The following AHNAK variants were observed in gnomAD, a reference collection of about 807,000 sequenced individuals.
AHNAK encodes neuroblast differentiation-associated protein AHNAK.
A neutral mutation model predicts 37.8 loss-of-function variants in AHNAK; 23 were observed. The ratio of observed to expected loss-of-function variants is 0.61; its 90% CI spans 0.44 to 0.86. The LOEUF is 0.86. Ranked by LOEUF, AHNAK falls within the 40% of genes least tolerant of loss-of-function variation. The pLI, the probability that AHNAK is intolerant of heterozygous loss-of-function variation, is 0.00. For synonymous variants in AHNAK, 2,481 were observed against 2,636.3 expected (o/e 0.94, Z 1.80); for missense variants, 7,411 against 7,319.4 (o/e 1.01, Z -0.46).
intron 4 of AHNAK, among the ~76,000 whole-genome samples, chr11:62,492,380 G>A (rs1939518616): frequency 6.6e-6 from 1 of 152,082 alleles, no homozygotes; most frequent in Admixed American, 6.6e-5. Context: ...ATCAGAGGTC[G>A]CTACCATCTG....
In AHNAK at chr11:62,518,623, T is replaced by C. The variant is rs774036458; in HGVS notation, c.15794A>G (p.Asp5265Gly). The C allele has an allele frequency of 6.2e-7, 1 of 1,614,084 alleles. No individual in the cohort carries two copies. Among genetic ancestry groups the C allele is most frequent in the Non-Finnish European group, 8.5e-7 (1 of 1,180,014 alleles). ...GAGCTTAACATCTGGTCCTCTCAAG[T>C]CTCCTTCAAGAGAGGGTAGCTGGGC... ...VHAQLPSLEG[D>G]LRGPDVKLEG... Residue 5265 changes from aspartate to glycine, a missense_variant, in exon 5 of 5, where the codon GAC becomes GGC. Physicochemically the swap from Asp to Gly is moderately conservative, Grantham distance 94 (BLOSUM62 -1). Coordinates refer to ENST00000378024, the MANE Select transcript of AHNAK (RefSeq NM_001620.3).
chr11:62,525,253 C>T lies in AHNAK; in HGVS notation c.9164G>A (p.Gly3055Glu). The T allele has an allele frequency of 6.2e-7, 1 of 1,612,408 alleles. No individual in the cohort carries two copies. The highest frequency in any genetic ancestry group is 8.5e-7 in the Non-Finnish European group (1 of 1,179,700). The change falls in exon 5 of 5, where the codon GGA (glycine) becomes GAA (glutamate). Residue 3055 changes from glycine (G) to glutamate (E), a missense_variant. By Grantham distance (98) the Gly-to-Glu change is moderately conservative. Transcript: ENST00000378024. ...NLPKADLDVS[G>E]PKVDIDVPDV... ...TGGAACATCAATGTCCACCTTGGGT[C>T]CTGAGACATCAAGGTCAGCCTTGGG... is the stretch of plus-strand genomic sequence containing the variant.
At position 62,520,598 on chromosome 11, in the gene AHNAK, C is replaced by T. The variant is rs12795259; in HGVS notation, c.13819G>A (p.Val4607Met). The change falls in exon 5 of 5, where the codon GTG becomes ATG. Residue 4607 changes from valine to methionine, a missense_variant. Transcript: ENST00000378024. ...AGAGAAATGTCCATGTCGCCCTTCACCTTTGGACCTTTCAGATTCAGGTCA... is the reference window on the plus strand; with the variant it reads ...AGAGAAATGTCCATGTCGCCCTTCATCTTTGGACCTTTCAGATTCAGGTCA... ...EVDLNLKGPK[V>M]KGDMDISLPK... The T allele has an allele frequency of 3.1e-6, 5 of 1,614,046 alleles. No individual in the cohort carries two copies. In the African/African-American group the frequency reaches 6.7e-5, roughly 22 times the overall value.
chr11:62,473,820 A>AC (rs1044268414), intron 5 of AHNAK, among the ~76,000 whole-genome samples: 3 of 151,716 alleles, frequency 2.0e-5, no homozygotes, highest in African/African-American at 4.8e-5. Context: ...ACATGGTGAG[A>AC]CCCCCACCTC....
chr11:62,477,450 C>A (rs1442214396), intron 5 of AHNAK, among the ~76,000 whole-genome samples: 1 of 152,156 alleles, frequency 6.6e-6, no homozygotes, highest in East Asian at 1.9e-4. Context: ...ACCTGTACAA[C>A]AAGCCCCGTG....
At chr11:62,478,872 T>TTTG (rs1565207962) in intron 5 of AHNAK, among the ~76,000 whole-genome samples, 47 of 152,166 alleles carry the variant, frequency 3.1e-4, no homozygotes, top group African/African-American at 1.1e-3. Flanking sequence ...CACTAATTTT[T>TTTG]TTTGTTTGTT....
chr11:62,540,406 A>G (rs1171450036), intron 1 of AHNAK, among the ~76,000 whole-genome samples: 1 of 152,092 alleles, frequency 6.6e-6, no homozygotes, highest in African/African-American at 2.4e-5. Context: ...AAGGATGGAG[A>G]AAGTAAGGTC....
At chr11:62,471,153 A>T (rs1939027645) in intron 5 of AHNAK, among the ~76,000 whole-genome samples, 1 of 152,214 alleles carries the variant, frequency 6.6e-6, no homozygotes, top group Non-Finnish European at 1.5e-5. Context: ...GACTGCAAAC[A>T]CAGTCCAAGC....
chr11:62,487,565 C>T (rs886476014), intron 5 of AHNAK, among the ~76,000 whole-genome samples: 2 of 152,118 alleles, frequency 1.3e-5, no homozygotes, highest in African/African-American at 2.4e-5. Context: ...GGCGCAGTCT[C>T]GGCTCACTGC....
intron 5 of AHNAK, among the ~76,000 whole-genome samples, chr11:62,470,325 A>G (rs1303784044): frequency 6.6e-6 from 1 of 152,178 alleles, no homozygotes; most frequent in Non-Finnish European, 1.5e-5. Flanking sequence ...ATGCGCCTGT[A>G]ATCCCAGCTA....
In AHNAK at chr11:62,525,388, T is replaced by A; in HGVS notation, c.9029A>T (p.Asp3010Val). 1 of 1,613,372 alleles carries A rather than the reference T, an allele frequency of 6.2e-7. No homozygotes were observed. Among genetic ancestry groups the A allele is most frequent in the Non-Finnish European group, 8.5e-7 (1 of 1,179,848 alleles). The change falls in exon 5 of 5, where the codon GAT becomes GTT. Residue 3010 changes from aspartate to valine, a missense_variant. Asp to Val is a radical substitution (Grantham distance 152). Coordinates refer to ENST00000378024, the MANE Select transcript of AHNAK (RefSeq NM_001620.3). Reference sequence around the variant, plus strand: ...CCAGTCTGGGCCTTGAACGCCCACATCCGGGACATCAATGTCCACTTGGGG... The same window carrying A: ...CCAGTCTGGGCCTTGAACGCCCACAACCGGGACATCAATGTCCACTTGGGG... The part of the protein sequence containing the change: ...RGPQVDIDVP[D>V]VGVQGPDWHL...
chr11:62,512,305 G>A (rs533595445), downstream of AHNAK, among the ~76,000 whole-genome samples: 15 of 152,288 alleles, frequency 9.8e-5, no homozygotes, highest in South Asian at 3.1e-3. The surrounding 1 kb of genome is among the most constrained non-coding windows in gnomAD (Gnocchi z 4.0). Context: ...TGCTTCACAC[G>A]GCAGGCAGTT....
At chr11:62,503,961 G>C (rs1052115223) in intron 4 of AHNAK, among the ~76,000 whole-genome samples, 1 of 152,050 alleles carries the variant, frequency 6.6e-6, no homozygotes, top group African/African-American at 2.4e-5. Context: ...AGGAGTTCCA[G>C]ACCAGCCTGG....
At chr11:62,437,359 G>T (rs918333859) in intron 5 of AHNAK, among the ~76,000 whole-genome samples, 3 of 152,056 alleles carry the variant, frequency 2.0e-5, no homozygotes, top group African/African-American at 7.2e-5. Context: ...CCTCAGCTTT[G>T]TTTTGTTTTG....
chr11:62,541,316 G>A (rs1244195314), intron 1 of AHNAK, among the ~76,000 whole-genome samples: 1 of 152,184 alleles, frequency 6.6e-6, no homozygotes, highest in Non-Finnish European at 1.5e-5. Context: ...GGTAGGGAGG[G>A]TACCGGCCAC....
At position 62,528,904 on chromosome 11, in the gene AHNAK, A is replaced by G. The variant is rs760305198; in HGVS notation, c.5513T>C (p.Leu1838Ser). The G allele has an allele frequency of 4.3e-6, 7 of 1,614,070 alleles. No homozygotes were observed. In the Admixed American group the frequency reaches 1.0e-4, roughly 23 times the overall value. ...DVDLECPDAK[L>S]KGPKFKMPEM... is the part of the protein sequence containing the mutation. The stretch of plus-strand genomic sequence containing the variant: ...AGGCATCTTAAACTTGGGCCCTTTC[A>G]ACTTTGCATCAGGACACTCCAGATC... Residue 1838 changes from leucine to serine, a missense_variant, in exon 5 of 5, where the codon TTG becomes TCG. Transcript: ENST00000378024.
In AHNAK at chr11:62,444,362, G is replaced by A. The variant is rs1296548727; in HGVS notation, c.443-10471C>T. 2.0e-5 allele frequency among the ~76,000 whole-genome samples: 3 copies of A among 152,330 alleles called. No homozygotes were observed. The East Asian group carries it at 5.8e-4, about 29-fold the overall frequency. On this transcript the variant is annotated intron_variant, in intron 5 of 5. Coordinates refer to the AHNAK transcript ENST00000257247. ...TCTGCCACAGCTGGGTGGGTGCCCA[G>A]CCAAGGAAGCTTGTGCCCCATCATT...
In AHNAK at chr11:62,516,997, G is replaced by A. The variant is rs116528762; in HGVS notation, c.17420C>T (p.Ser5807Phe). Residue 5807 changes from serine (S) to phenylalanine (F), a missense_variant, in exon 5 of 5, where the codon TCT (serine) becomes TTT (phenylalanine). Ser to Phe is a radical substitution (Grantham distance 155, BLOSUM62 -2). Coordinates refer to ENST00000378024, the MANE Select transcript of AHNAK (RefSeq NM_001620.3). ...GTLEFEGGEV[S>F]LEGGKVKGKH... ...CCCTTTAACTTTCCCACCTTCCAGAGACACTTCCCCACCTTCAAACTCCAG... is the reference window on the plus strand; with the variant it reads ...CCCTTTAACTTTCCCACCTTCCAGAAACACTTCCCCACCTTCAAACTCCAG... 1,647 of 1,614,154 alleles carry A rather than the reference G, an allele frequency of 1.0e-3. 15 individuals are homozygous for A. The African/African-American group carries it at 0.019, about 19-fold the overall frequency.
At chr11:62,457,855 A>G in intron 5 of AHNAK, among the ~76,000 whole-genome samples, 1 of 152,006 alleles carries the variant, frequency 6.6e-6, no homozygotes, top group African/African-American at 2.4e-5. Flanking sequence ...TGGGTCCAAT[A>G]TACCCATGTG....
Sources: gnomAD v4.1 joint callset for allele counts (sites outside exome capture counted in the v4.1 genomes callset) on GRCh38, gnomAD v4.1.1 for gene constraint, Gnocchi (gnomAD v3.1) non-coding constraint, MANE v1.5 for transcripts, NCBI Gene and HGNC (gene_info 2026-07-23, HGNC 2026-07-21) for gene names.